NAV1: variants seen among roughly 807,000 people sequenced by gnomAD.
NAV1 encodes neuron navigator 1.
NAV1 carries 18 observed loss-of-function variants against 175.2 expected under a neutral mutation model. The ratio of observed to expected loss-of-function variants is 0.10; its 90% CI spans 0.07 to 0.15. NAV1 has a LOEUF of 0.15. Among genes scored for constraint, NAV1 ranks in the 10% least tolerant of loss-of-function variants. The probability of loss-of-function intolerance (pLI) is 1.00; values close to 1 mark genes in which losing one functional copy is unlikely to be tolerated. For synonymous variants in NAV1, 897 were observed against 978.7 expected (o/e 0.92, Z 1.56); for missense variants, 1,731 against 2,436.6 (o/e 0.71, Z 6.10).
At position 201,740,281 on chromosome 1, in the gene NAV1, C is replaced by G. The variant is rs930368668; in HGVS notation, c.1226+21526C>G. Among the ~76,000 whole-genome samples the G allele has an allele frequency of 2.0e-5, 3 of 152,228 alleles. No individual in the cohort carries two copies. The highest frequency in any genetic ancestry group is 4.8e-5 in the African/African-American group (2 of 41,462). ...TGCCTGCGCCGCCGGAGCCTCCGAG[C>G]TCCTGGACGTTTGGCTTACGGGCAT... On this transcript the variant is annotated intron_variant, in intron 3 of 29. Coordinates refer to ENST00000367296, the Ensembl canonical transcript of NAV1. The surrounding 1 kb of genome is among the most constrained non-coding windows in gnomAD (Gnocchi z 4.7).
chr1:201,675,483 C>G (rs1410248810), intron 1 of NAV1, among the ~76,000 whole-genome samples: 1 of 152,200 alleles, frequency 6.6e-6, no homozygotes, highest in Non-Finnish European at 1.5e-5. Context: ...TGCTTTTAGA[C>G]AGTGCACTTA....
intron 1 of NAV1, among the ~76,000 whole-genome samples, chr1:201,690,995 G>A (rs764547032): frequency 1.2e-4 from 18 of 152,286 alleles, no homozygotes; most frequent in South Asian, 6.2e-4. Context: ...TGTTCTTGAG[G>A]AACTTAAAAT....
At chr1:201,707,859 TA>T (rs1485768607) in intron 1 of NAV1, among the ~76,000 whole-genome samples, 2 of 152,244 alleles carry the variant, frequency 1.3e-5, no homozygotes, top group African/African-American at 4.8e-5. Flanking sequence ...AACTACAGGC[TA>T]GACCACAAGT....
At chr1:201,801,127 C>T (rs1381852698) in intron 15 of NAV1, among the ~76,000 whole-genome samples, 2 of 152,312 alleles carry the variant, frequency 1.3e-5, no homozygotes, top group Non-Finnish European at 2.9e-5. Context: ...CACACCCAGC[C>T]TCTTGAGAAT....
intron 3 of NAV1, among the ~76,000 whole-genome samples, chr1:201,734,874 A>T (rs546558383): frequency 6.6e-6 from 1 of 152,308 alleles, no homozygotes; most frequent in East Asian, 1.9e-4. Context: ...TGGAAGCAAG[A>T]TAATCAGCTA....
chr1:201,570,647 C>T (rs1222579318), intron 1 of NAV1, among the ~76,000 whole-genome samples: 35 of 152,248 alleles, frequency 2.3e-4, no homozygotes, highest in Admixed American at 6.5e-5. Context: ...TCTTCCTGAG[C>T]TGGCTGAGGG....
In NAV1 at chr1:201,750,467, T is replaced by C. The variant is rs1310919125; in HGVS notation, c.1227-29954T>C. ...GCCCTGTGTTTACCTGTTTCATACA[T>C]TGAGGACTTCTGGTTAAAATGTTAG... On this transcript the variant is annotated intron_variant, in intron 3 of 29. Coordinates refer to ENST00000367296, the Ensembl canonical transcript of NAV1. This position sits in a 1 kb window ranked among gnomAD's most constrained non-coding sequence, Gnocchi z 4.1. 1.3e-5 allele frequency among the ~76,000 whole-genome samples: 2 copies of C among 152,128 alleles called. No individual in the cohort carries two copies. Among genetic ancestry groups the C allele is most frequent in the African/African-American group, 4.8e-5 (2 of 41,416 alleles).
At chr1:201,794,685 G>A (rs1210520127) in intron 15 of NAV1, 108 bp downstream of exon 19, 1 of 978,154 alleles carries the variant, frequency 1.0e-6, no homozygotes, top group Non-Finnish European at 1.6e-6. Flanking sequence ...CAAGTCTCTA[G>A]AAGGTGAGGG....
Position 201,657,834 on chromosome 1 carries a change from C to A in NAV1, c.757+8409C>A, listed in dbSNP as rs138106893. The stretch of plus-strand genomic sequence containing the variant: ...ATCACTTGAGCTCAGGAGTTTGAGA[C>A]CAGCTTGGGCATCATTGCAAAACCC... On this transcript the variant is annotated intron_variant, in intron 1 of 29. Transcript: ENST00000367296. 4.6e-5 allele frequency among the ~76,000 whole-genome samples: 7 copies of A among 152,226 alleles called. No individual in the cohort carries two copies. In the East Asian group the frequency reaches 9.7e-4, roughly 21 times the overall value.
chr1:201,793,887 G>A lies in NAV1; in HGVS notation c.3405+12G>A. On this transcript the variant is annotated intron_variant, in intron 14 of 29. Coordinates refer to ENST00000367296, the Ensembl canonical transcript of NAV1. ...CGGCCGAGGAGAAGGTGAGAGGCCT[G>A]GGAAAGGGTGGGAGGGGTGGGTGCG... The A allele has an allele frequency of 7.9e-7, 1 of 1,266,858 alleles. No individual in the cohort carries two copies. The highest frequency in any genetic ancestry group is 1.1e-6 in the Non-Finnish European group (1 of 902,162). The allele number at this position is 1,266,858 out of a possible 1,614,324, so 78.5% of individuals were successfully genotyped here.
At chr1:201,672,507 T>TATA (rs1553252074) in intron 1 of NAV1, among the ~76,000 whole-genome samples, 2 of 152,226 alleles carry the variant, frequency 1.3e-5, no homozygotes, top group Admixed American at 6.5e-5. Context: ...GTGCTTTATG[T>TATA]ATAATAGTTC....
At chr1:201,622,824 C>A, upstream of NAV1, 1 of 985,198 alleles carries the variant, frequency 1.0e-6, no homozygotes, top group African/African-American at 1.7e-5. Flanking sequence ...ATGTGCCTGA[C>A]GGTCTTTTTT....
At chr1:201,727,536 G>A (rs1393185924) in intron 3 of NAV1, among the ~76,000 whole-genome samples, 5 of 152,188 alleles carry the variant, frequency 3.3e-5, no homozygotes, top group Admixed American at 3.3e-4. Flanking sequence ...TGGCTAATTG[G>A]GCTGTCAGTC....
chr1:201,700,176 T>G (rs542961160), intron 1 of NAV1, among the ~76,000 whole-genome samples: 2 of 152,180 alleles, frequency 1.3e-5, no homozygotes, highest in South Asian at 2.1e-4. Context: ...GGGAGAAAAT[T>G]TTTGCAATCT....
intron 1 of NAV1, among the ~76,000 whole-genome samples, chr1:201,689,099 T>A (rs897498721): frequency 2.6e-5 from 4 of 152,224 alleles, no homozygotes; most frequent in Non-Finnish European, 5.9e-5. Flanking sequence ...TGCCCTTCTC[T>A]GCTGAGCATT....
In NAV1 at chr1:201,718,688, T is replaced by C. The variant is rs1672240295; in HGVS notation, c.1159T>C (p.Ser387Pro). The C allele has an allele frequency of 3.1e-6, 5 of 1,613,988 alleles. No individual in the cohort carries two copies. Among genetic ancestry groups the C allele is most frequent in the African/African-American group, 1.3e-5 (1 of 74,894 alleles). ...GGACTCGGATGAGGTGGACCTCAAG[T>C]CCGGCTACATGAGCGACAGTGACCT... is the stretch of plus-strand genomic sequence containing the variant. The change falls in exon 3 of 30, where the codon TCC becomes CCC. Residue 387 changes from serine (S) to proline (P), a missense_variant. Around this residue, in one of 13 missense-constraint regions of NAV1, gnomAD observed 487 missense variants for 581.3 expected, o/e 0.84. Transcript: ENST00000367296. The surrounding 1 kb of genome is among the most constrained non-coding windows in gnomAD (Gnocchi z 4.8).
At chr1:201,674,596 C>G (rs1421072057) in intron 1 of NAV1, among the ~76,000 whole-genome samples, 2 of 152,188 alleles carry the variant, frequency 1.3e-5, no homozygotes, top group Non-Finnish European at 2.9e-5. Context: ...AAGCATGGTG[C>G]AGGCATCTGC....
chr1:201,776,147 A>G (rs563940167), intron 3 of NAV1, among the ~76,000 whole-genome samples: 1 of 152,156 alleles, frequency 6.6e-6, no homozygotes, highest in Non-Finnish European at 1.5e-5. Context: ...GTGTACCTAT[A>G]TATGTATGTG....
chr1:201,592,680 A>G (rs1028019027), intron 2 of NAV1, among the ~76,000 whole-genome samples: 7 of 152,218 alleles, frequency 4.6e-5, no homozygotes, highest in African/African-American at 1.4e-4. Flanking sequence ...TGAGATACAT[A>G]GAGAGTGGCA....
Sources: gnomAD v4.1 joint callset for allele counts (sites outside exome capture counted in the v4.1 genomes callset) on GRCh38, gnomAD v4.1.1 for gene constraint, gnomAD v4.1.1 regional missense constraint, Gnocchi (gnomAD v3.1) non-coding constraint, MANE v1.5 for transcripts, NCBI Gene and HGNC (gene_info 2026-07-23, HGNC 2026-07-21) for gene names.